SORCS3: variants seen among roughly 807,000 people sequenced by gnomAD.
SORCS3 encodes sortilin related VPS10 domain containing receptor 3, also known as VPS10 domain-containing receptor SorCS3.
A neutral mutation model predicts 146.3 loss-of-function variants in SORCS3; 57 were observed. The ratio of observed to expected loss-of-function variants is 0.39; its 90% CI spans 0.31 to 0.49. SORCS3 has a LOEUF of 0.49. Among genes scored for constraint, SORCS3 ranks in the 20% least tolerant of loss-of-function variants. The probability of loss-of-function intolerance (pLI) is 0.92; values close to 1 mark genes in which losing one functional copy is unlikely to be tolerated. For synonymous variants in SORCS3, 653 were observed against 618.5 expected (o/e 1.06, Z -0.83); for missense variants, 1,341 against 1,575.5 (o/e 0.85, Z 2.52).
At chr10:104,684,551 G>A (rs1428845864) in intron 1 of SORCS3, among the ~76,000 whole-genome samples, 3 of 152,226 alleles carry the variant, frequency 2.0e-5, no homozygotes, top group Middle Eastern at 6.8e-3. Flanking sequence ...CAGGGGCTGC[G>A]GTGTGTTTGT....
intron 17 of SORCS3, 133 bp from the exon 18 acceptor site, chr10:105,214,309 C>T (rs1346579694): frequency 7.7e-6 from 7 of 908,970 alleles, no homozygotes; most frequent in African/African-American, 3.4e-5. Flanking sequence ...ACTTGGTTTC[C>T]AGGGGCCGCT....
intron 3 of SORCS3, among the ~76,000 whole-genome samples, chr10:104,969,625 T>G (rs1055803518): frequency 2.0e-5 from 3 of 152,174 alleles, no homozygotes; most frequent in Non-Finnish European, 4.4e-5. Flanking sequence ...ATCAAATAAT[T>G]TCTGATGAGA....
chr10:105,180,247 A>G (rs1487933629), intron 14 of SORCS3, among the ~76,000 whole-genome samples: 2 of 152,240 alleles, frequency 1.3e-5, no homozygotes, highest in Non-Finnish European at 2.9e-5. Context: ...TCACACACAC[A>G]GTAGGTGACA....
At chr10:105,151,593 TG>T in intron 9 of SORCS3, among the ~76,000 whole-genome samples, 1 of 152,206 alleles carries the variant, frequency 6.6e-6, no homozygotes. Flanking sequence ...ATCTTCTGCA[TG>T]GACCTCTGAA....
At chr10:105,103,330 G>A (rs1199717073) in intron 6 of SORCS3, among the ~76,000 whole-genome samples, 1 of 152,106 alleles carries the variant, frequency 6.6e-6, no homozygotes, top group African/African-American at 2.4e-5. Flanking sequence ...AGTTTATTAG[G>A]ATAGTTATAA....
At chr10:104,897,317 A>G (rs980016614) in intron 2 of SORCS3, among the ~76,000 whole-genome samples, 1 of 152,210 alleles carries the variant, frequency 6.6e-6, no homozygotes, top group Non-Finnish European at 1.5e-5. Context: ...TACCTTTCCC[A>G]GAATTTTGTC....
intron 1 of SORCS3, among the ~76,000 whole-genome samples, chr10:104,768,876 TAAAG>T (rs1184297617): frequency 6.6e-6 from 1 of 152,166 alleles, no homozygotes; most frequent in Non-Finnish European, 1.5e-5. Flanking sequence ...GGTAAGTATG[TAAAG>T]ACCTGGGCCC....
intron 1 of SORCS3, among the ~76,000 whole-genome samples, chr10:104,753,743 T>C (rs1209547152): frequency 6.6e-6 from 1 of 152,212 alleles, no homozygotes; most frequent in African/African-American, 2.4e-5. Flanking sequence ...TTTACTAGTG[T>C]GACATTGTCC....
chr10:104,658,434 C>G (rs1463011116), intron 1 of SORCS3, among the ~76,000 whole-genome samples: 3 of 152,122 alleles, frequency 2.0e-5, no homozygotes, highest in Admixed American at 6.5e-5. Context: ...CAGCACAAGT[C>G]TCCTTTTTTA....
At chr10:105,017,727 CT>C (rs2055176338) in intron 4 of SORCS3, among the ~76,000 whole-genome samples, 1 of 152,152 alleles carries the variant, frequency 6.6e-6, no homozygotes, top group South Asian at 2.1e-4. Context: ...TGATCCACTC[CT>C]TATCCCTTAA....
intron 4 of SORCS3, among the ~76,000 whole-genome samples, chr10:105,038,623 G>T (rs2055320397): frequency 6.6e-6 from 1 of 152,060 alleles, no homozygotes; most frequent in Admixed American, 6.5e-5. Flanking sequence ...ATCTAAAAAT[G>T]ATGGAAACTT....
chr10:105,164,675 C>A (rs2056297507), intron 12 of SORCS3, among the ~76,000 whole-genome samples: 1 of 152,166 alleles, frequency 6.6e-6, no homozygotes, highest in East Asian at 1.9e-4. Context: ...GCTGGGGATA[C>A]AACTGATGAA....
At chr10:105,176,161 A>G (rs940638612) in intron 13 of SORCS3, among the ~76,000 whole-genome samples, 1 of 152,160 alleles carries the variant, frequency 6.6e-6, no homozygotes, top group East Asian at 1.9e-4. Flanking sequence ...TATTCATTTA[A>G]CATGTATATA....
chr10:104,701,033 C>A (rs900194815), intron 1 of SORCS3, among the ~76,000 whole-genome samples: 1 of 152,130 alleles, frequency 6.6e-6, no homozygotes, highest in African/African-American at 2.4e-5. Context: ...GAATTTAATT[C>A]GTGGAAAGTT....
intron 7 of SORCS3, among the ~76,000 whole-genome samples, chr10:105,115,067 C>A (rs529530634): frequency 2.6e-5 from 4 of 152,094 alleles, no homozygotes; most frequent in Non-Finnish European, 5.9e-5. Context: ...TGCAATGGAG[C>A]ATTGCCCTGG....
chr10:105,179,785 A>G lies in SORCS3; in HGVS notation c.2009+1612A>G, dbSNP rs558439540. On this transcript the variant is annotated intron_variant, in intron 14 of 26. Coordinates refer to ENST00000369701, the MANE Select transcript of SORCS3 (RefSeq NM_014978.3). ...AGGGTTGCCCAGTTGTGGAATGGCA[A>G]TGGCAAAGATTGAAATAGGAGTTTT... 7.9e-5 allele frequency among the ~76,000 whole-genome samples: 12 copies of G among 152,350 alleles called. No homozygotes were observed. The South Asian group carries it at 2.5e-3, about 32-fold the overall frequency.
chr10:105,087,331 C>G (rs1355570331), intron 5 of SORCS3, among the ~76,000 whole-genome samples: 17 of 152,050 alleles, frequency 1.1e-4, no homozygotes, highest in Non-Finnish European at 2.5e-4. Flanking sequence ...TTACTGTAGC[C>G]TTGTAGTATG....
At chr10:105,003,336 A>T (rs900222963) in intron 4 of SORCS3, among the ~76,000 whole-genome samples, 6 of 152,138 alleles carry the variant, frequency 3.9e-5, no homozygotes, top group Admixed American at 6.6e-5. Context: ...GAAAATAGCA[A>T]AACATGGCAG....
At chr10:104,696,092 TAATATATCATATACACATATTATATATA>T (rs1564660897) in intron 1 of SORCS3, among the ~76,000 whole-genome samples, 1 of 15,008 alleles carries the variant, frequency 6.7e-5, no homozygotes, top group Non-Finnish European at 1.9e-4. Context: ...TACACATATA[TAATATATCATATACACATATTATATATA>T]ATATATATCA....
Sources: gnomAD v4.1 joint callset for allele counts (sites outside exome capture counted in the v4.1 genomes callset) on GRCh38, gnomAD v4.1.1 for gene constraint, MANE v1.5 for transcripts, NCBI Gene and HGNC (gene_info 2026-07-23, HGNC 2026-07-21) for gene names.